Variants in WAPL observed in about 807,000 individuals in gnomAD.
WAPL encodes the protein WAPL cohesin release factor, also known as wings apart-like protein homolog.
In WAPL, 5 loss-of-function variants were observed where a neutral mutation model predicts 121.0. The observed-to-expected ratio is 0.04, with a 90% CI of 0.02 to 0.09. WAPL has a LOEUF of 0.09. Ranked by LOEUF, WAPL falls within the 10% of genes least tolerant of loss-of-function variation. WAPL has a pLI of 1.00. For synonymous variants in WAPL, 480 were observed against 481.5 expected (o/e 1.00, Z 0.04); for missense variants, 999 against 1,410.8 (o/e 0.71, Z 4.68).
At chr10:86,451,159 T>C (rs1840968495) in intron 15 of WAPL, among the ~76,000 whole-genome samples, 1 of 152,094 alleles carries the variant, frequency 6.6e-6, no homozygotes, top group Non-Finnish European at 1.5e-5. Context: ...CAGGCTGGTC[T>C]TGAACTCCTG....
intron 12 of WAPL, among the ~76,000 whole-genome samples, chr10:86,458,107 A>G (rs1415189533): frequency 6.6e-6 from 1 of 152,258 alleles, no homozygotes; most frequent in African/African-American, 2.4e-5. Context: ...GCTGACTTCA[A>G]TAAGAAAGTT....
chr10:86,476,229 G>A (rs926794414), intron 4 of WAPL, among the ~76,000 whole-genome samples: 1 of 151,972 alleles, frequency 6.6e-6, no homozygotes, highest in African/African-American at 2.4e-5. Flanking sequence ...GCGGGGCACG[G>A]TGGTGGGCAC....
At chr10:86,475,614 T>C (rs1019364431) in intron 4 of WAPL, among the ~76,000 whole-genome samples, 3 of 152,212 alleles carry the variant, frequency 2.0e-5, no homozygotes, top group Admixed American at 1.3e-4. Context: ...GCATTAGCAA[T>C]CTGAAACAAT....
intron 4 of WAPL, among the ~76,000 whole-genome samples, chr10:86,477,970 G>A (rs1841697606): frequency 6.6e-6 from 1 of 151,512 alleles, no homozygotes; most frequent in Admixed American, 6.6e-5. Flanking sequence ...CAGGAGAATT[G>A]CTTGAACCCG....
intron 4 of WAPL, among the ~76,000 whole-genome samples, chr10:86,491,962 C>T (rs1842056546): frequency 6.6e-6 from 1 of 152,178 alleles, no homozygotes; most frequent in Non-Finnish European, 1.5e-5. Context: ...CAGATAGCTA[C>T]ATTTATTCAT....
chr10:86,503,130 C>T (rs749495968), intron 2 of WAPL, among the ~76,000 whole-genome samples: 1 of 152,084 alleles, frequency 6.6e-6, no homozygotes, highest in Non-Finnish European at 1.5e-5. Flanking sequence ...TGTACTCCAA[C>T]CTGGGCAAAA....
At chr10:86,438,597 A>C (rs565130483) in intron 17 of WAPL, among the ~76,000 whole-genome samples, 1 of 152,334 alleles carries the variant, frequency 6.6e-6, no homozygotes. Flanking sequence ...AACAAACTGC[A>C]CTGTTTAATG....
chr10:86,471,344 C>T (rs1175266335), intron 7 of WAPL, among the ~76,000 whole-genome samples: 6 of 152,130 alleles, frequency 3.9e-5, no homozygotes, highest in African/African-American at 1.2e-4. Context: ...GCATTCCTTA[C>T]GTTACTACTA....
At chr10:86,492,077 A>G (rs746378943) in intron 4 of WAPL, among the ~76,000 whole-genome samples, 2 of 152,104 alleles carry the variant, frequency 1.3e-5, no homozygotes, top group Non-Finnish European at 2.9e-5. Context: ...ATATTCAACT[A>G]TTTTTAATTT....
At chr10:86,516,125 C>T (rs1407434745) in intron 2 of WAPL, among the ~76,000 whole-genome samples, 3 of 152,100 alleles carry the variant, frequency 2.0e-5, no homozygotes, top group Non-Finnish European at 4.4e-5. Context: ...GCCTTGGCCT[C>T]CCAAAGTGCT....
At chr10:86,440,706 G>A (rs142456549) in intron 17 of WAPL, among the ~76,000 whole-genome samples, 12 of 152,090 alleles carry the variant, frequency 7.9e-5, no homozygotes, top group African/African-American at 2.9e-4. Context: ...GGGATATAAA[G>A]ATCTTGCGGG....
At chr10:86,469,298 G>A (rs1024163283) in intron 8 of WAPL, among the ~76,000 whole-genome samples, 1 of 932 alleles carries the variant, frequency 1.1e-3, no homozygotes, top group African/African-American at 0.016. Context: ...TGTCGCCCAG[G>A]CTGGAGTACA....
chr10:86,492,586 T>C (rs537507066), intron 4 of WAPL, among the ~76,000 whole-genome samples: 17 of 151,988 alleles, frequency 1.1e-4, no homozygotes, highest in Admixed American at 3.3e-4. Context: ...ACCGGTGAAA[T>C]AGCCTCCCCA....
intron 8 of WAPL, among the ~76,000 whole-genome samples, chr10:86,469,250 T>TCA (rs1564571358): frequency 0.028 from 2,104 of 75,770 alleles, 826 homozygotes; most frequent in African/African-American, 0.12. Context: ...ATAATTTTTT[T>TCA]TTTTTTTTTT....
intron 2 of WAPL, among the ~76,000 whole-genome samples, chr10:86,502,283 C>T (rs1047372320): frequency 5.9e-5 from 9 of 152,140 alleles, no homozygotes; most frequent in African/African-American, 2.2e-4. Context: ...GGCAGCTCTA[C>T]ATTATGTACA....
chr10:86,511,942 A>G (rs1842471453), intron 2 of WAPL, among the ~76,000 whole-genome samples: 1 of 152,132 alleles, frequency 6.6e-6, no homozygotes, highest in Non-Finnish European at 1.5e-5. Context: ...TAAAAATAAA[A>G]AAAGAAATAA....
intron 15 of WAPL, among the ~76,000 whole-genome samples, chr10:86,447,956 G>A (rs1382737603): frequency 6.6e-6 from 1 of 151,758 alleles, no homozygotes; most frequent in African/African-American, 2.4e-5. Flanking sequence ...GCTGAGGCAG[G>A]AGAATCACTG....
At chr10:86,492,426 A>C (rs1416409143) in intron 4 of WAPL, among the ~76,000 whole-genome samples, 1 of 152,228 alleles carries the variant, frequency 6.6e-6, no homozygotes. Context: ...TAGCACTCTG[A>C]AGTTTCCTAA....
At chr10:86,489,484 C>CAGAT (rs1368103246) in intron 4 of WAPL, among the ~76,000 whole-genome samples, 1 of 152,136 alleles carries the variant, frequency 6.6e-6, no homozygotes, top group Non-Finnish European at 1.5e-5. Flanking sequence ...GAAATACTAT[C>CAGAT]AAGTCACACA....
Sources: gnomAD v4.1 joint callset for allele counts (sites outside exome capture counted in the v4.1 genomes callset) on GRCh38, gnomAD v4.1.1 for gene constraint, MANE v1.5 for transcripts, NCBI Gene and HGNC (gene_info 2026-07-23, HGNC 2026-07-21) for gene names.